The following RELN variants were observed in gnomAD, a reference collection of about 807,000 sequenced individuals.
The protein encoded by RELN is reelin.
A neutral mutation model predicts 427.6 loss-of-function variants in RELN; 108 were observed. That is an observed-to-expected ratio of 0.25 (90% confidence interval 0.22 to 0.30). The LOEUF is 0.30. RELN is among the 10% of genes least tolerant of loss of function. RELN has a pLI of 1.00. For missense variants in RELN, 3,715 were observed against 4,302.8 expected, an observed-to-expected ratio of 0.86 and a Z score of 3.82; for synonymous variants, 1,524 against 1,513.4, an observed-to-expected ratio of 1.01 and a Z score of -0.16.
At chr7:103,963,154 G>T (rs1243371918) in intron 1 of RELN, among the ~76,000 whole-genome samples, 1 of 70,630 alleles carries the variant, frequency 1.4e-5, no homozygotes, top group African/African-American at 7.0e-5. Context: ...TCTCATTGGC[G>T]CTTTCTACTC....
chr7:103,646,019 G>A (rs1832789308), intron 16 of RELN, among the ~76,000 whole-genome samples: 1 of 151,688 alleles, frequency 6.6e-6, no homozygotes, highest in Non-Finnish European at 1.5e-5. Context: ...TAAACAACCT[G>A]CTCCTGAATG....
chr7:103,897,152 A>G (rs1422364011), intron 2 of RELN, among the ~76,000 whole-genome samples: 3 of 152,136 alleles, frequency 2.0e-5, no homozygotes, highest in Non-Finnish European at 4.4e-5. Flanking sequence ...GGTCCTTCCC[A>G]CAACACGTGG....
rs941182837 is a variant in RELN, at chr7:103,907,415, GA to G, written c.337+9659del. 1.8e-4 allele frequency among the ~76,000 whole-genome samples: 8 copies of G among 44,124 alleles called. No homozygotes were observed. The South Asian group carries it at 4.1e-3, about 23-fold the overall frequency. The allele number at this position is 44,124 out of a possible 152,430, so 28.9% of individuals were successfully genotyped here. On this transcript the variant is annotated intron_variant, in intron 2 of 64. Transcript: ENST00000428762. ...CCTGGGCAACAAGATCAAGGCTCTG[GA>G]AAAAAAAAAAAAAAAAAAAAAAAAA... is the stretch of plus-strand genomic sequence containing the variant.
intron 4 of RELN, among the ~76,000 whole-genome samples, chr7:103,754,336 A>C (rs1234827620): frequency 3.3e-5 from 5 of 152,054 alleles, no homozygotes; most frequent in African/African-American, 1.2e-4. Flanking sequence ...TTAAAATTGC[A>C]CACGGGGCTT....
chr7:103,633,313 T>C (rs1309947929), intron 19 of RELN, among the ~76,000 whole-genome samples: 2 of 152,038 alleles, frequency 1.3e-5, no homozygotes, highest in Non-Finnish European at 2.9e-5. Context: ...CATCAAGATA[T>C]ATTTAACTTT....
chr7:103,559,952 C>A (rs1830606635), intron 36 of RELN, among the ~76,000 whole-genome samples: 1 of 152,186 alleles, frequency 6.6e-6, no homozygotes, highest in African/African-American at 2.4e-5. Flanking sequence ...TGGGTCAATA[C>A]AAGTCACTCA....
At chr7:103,503,314 G>A in intron 51 of RELN, 84 bp from the exon 52 acceptor site, 1 of 1,090,194 alleles carries the variant, frequency 9.2e-7, no homozygotes, top group Non-Finnish European at 1.4e-6. Context: ...AAAAGCTGCT[G>A]ATCACTTGAT....
At chr7:103,861,085 TCTC>T (rs766921806) in intron 2 of RELN, among the ~76,000 whole-genome samples, 58 of 152,154 alleles carry the variant, frequency 3.8e-4, no homozygotes, top group Non-Finnish European at 6.2e-4. Context: ...TGTATTCTCT[TCTC>T]CTTGCATAAA....
At chr7:103,871,329 T>C (rs1357507447) in intron 2 of RELN, among the ~76,000 whole-genome samples, 1 of 152,130 alleles carries the variant, frequency 6.6e-6, no homozygotes, top group Non-Finnish European at 1.5e-5. Context: ...TTGTAAGTAG[T>C]TGTTCATAAG....
intron 3 of RELN, among the ~76,000 whole-genome samples, chr7:103,829,714 G>A (rs895772042): frequency 6.6e-6 from 1 of 151,818 alleles, no homozygotes; most frequent in African/African-American, 2.4e-5. Flanking sequence ...TGACTATGTG[G>A]CTAAGTGGTT....
chr7:103,548,033 T>C (rs970008253), intron 41 of RELN, among the ~76,000 whole-genome samples: 7 of 152,218 alleles, frequency 4.6e-5, no homozygotes, highest in Admixed American at 6.5e-5. Flanking sequence ...AACATAAACT[T>C]AAAATTTCAA....
chr7:103,918,319 G>A (rs557683804), intron 1 of RELN, among the ~76,000 whole-genome samples: 8 of 152,080 alleles, frequency 5.3e-5, no homozygotes, highest in Admixed American at 5.2e-4. Flanking sequence ...GGGCACTGAG[G>A]TAAGTAGTTT....
chr7:103,592,088 A>G (rs963456925), intron 27 of RELN, among the ~76,000 whole-genome samples: 1 of 152,152 alleles, frequency 6.6e-6, no homozygotes, highest in Non-Finnish European at 1.5e-5. Context: ...TTTGTTATAT[A>G]GGTAAACTGT....
intron 2 of RELN, among the ~76,000 whole-genome samples, chr7:103,857,522 G>C (rs1314603957): frequency 6.6e-6 from 1 of 152,216 alleles, no homozygotes; most frequent in East Asian, 1.9e-4. Context: ...ACAAGGAACA[G>C]GATATGCACA....
rs534096943 is a variant in RELN, at chr7:103,830,095, C to T, written c.473+3442G>A. Among the ~76,000 whole-genome samples, 4 of 115,808 alleles carry T rather than the reference C, an allele frequency of 3.5e-5. No individual in the cohort carries two copies. The South Asian group carries it at 1.8e-3, about 52-fold the overall frequency. 76.0% of individuals were successfully genotyped at this position (115,808 alleles called of 152,430 possible). On this transcript the variant is annotated intron_variant, in intron 3 of 64. Transcript: ENST00000428762. ...CACTGCCAATTACAATTGTAGGATG[C>T]CATCAAATGTAAAATACAACCCTAC...
At chr7:103,849,100 A>C (rs1358553030) in intron 2 of RELN, among the ~76,000 whole-genome samples, 4 of 152,180 alleles carry the variant, frequency 2.6e-5, no homozygotes, top group African/African-American at 9.7e-5. Context: ...TTATGGACTA[A>C]ATGTCAGATC....
rs76777465 is a variant in RELN, at chr7:103,893,616, C to T, written c.337+23459G>A. On this transcript the variant is annotated intron_variant, in intron 2 of 64. Transcript: ENST00000428762. ...CATAAATGTACATACACTTAAGCAA[C>T]CACAGTGTTGGAGAGACCTTTTAAA... Among the ~76,000 whole-genome samples the T allele has an allele frequency of 4.3e-3, 654 of 152,232 alleles. 2 individuals carry two copies. Among genetic ancestry groups the T allele is most frequent in the Non-Finnish European group, 5.9e-3 (398 of 68,024 alleles).
At chr7:103,966,432 C>T (rs530507651) in intron 1 of RELN, among the ~76,000 whole-genome samples, 3 of 152,262 alleles carry the variant, frequency 2.0e-5, no homozygotes, top group East Asian at 1.9e-4. Flanking sequence ...GAGGAAACCC[C>T]GGAAGACATG....
chr7:103,815,462 T>C (rs1792848300), intron 3 of RELN, among the ~76,000 whole-genome samples: 1 of 152,232 alleles, frequency 6.6e-6, no homozygotes, highest in Non-Finnish European at 1.5e-5. Flanking sequence ...GTAAGTTATC[T>C]ATGAAAATTT....
Sources: gnomAD v4.1 joint callset for allele counts (sites outside exome capture counted in the v4.1 genomes callset) on GRCh38, gnomAD v4.1.1 for gene constraint, MANE v1.5 for transcripts, NCBI Gene and HGNC (gene_info 2026-07-23, HGNC 2026-07-21) for gene names.